The following AXIN1 variants were observed in gnomAD, a reference collection of about 807,000 sequenced individuals.
The protein encoded by AXIN1 is axin-1.
In AXIN1, 30 loss-of-function variants were observed where a neutral mutation model predicts 76.4. That is an observed-to-expected ratio of 0.39 (90% CI 0.29 to 0.53). AXIN1 has a LOEUF of 0.53. Ranked by LOEUF, AXIN1 falls within the 20% of genes least tolerant of loss-of-function variation. The pLI is 0.66. For missense variants in AXIN1, 1,140 were observed against 1,198.8 expected, an observed-to-expected ratio of 0.95 and a Z score of 0.72; for synonymous variants, 545 against 501.4, an observed-to-expected ratio of 1.09 and a Z score of -1.16.
intron 7 of AXIN1, among the ~76,000 whole-genome samples, chr16:296,682 C>A (rs538868358): frequency 4.8e-4 from 73 of 152,320 alleles, no homozygotes; most frequent in African/African-American, 1.7e-3. Flanking sequence ...AAGGCTCCTC[C>A]GTGGGCACCT....
chr16:337,600 T>C (rs1455512306), intron 2 of AXIN1, among the ~76,000 whole-genome samples: 1 of 151,284 alleles, frequency 6.6e-6, no homozygotes, highest in Middle Eastern at 3.2e-3. Context: ...CAGCTCACAG[T>C]GAGGACAGCG....
intron 2 of AXIN1, among the ~76,000 whole-genome samples, chr16:332,315 C>T (rs180768433): frequency 6.6e-6 from 1 of 151,860 alleles, no homozygotes; most frequent in Non-Finnish European, 1.5e-5. Context: ...CGGTGGCTCA[C>T]GCCTGTAATC....
At chr16:296,009 T>C (rs892581125) in intron 7 of AXIN1, among the ~76,000 whole-genome samples, 2 of 152,212 alleles carry the variant, frequency 1.3e-5, no homozygotes, top group African/African-American at 2.4e-5. Context: ...CTCATGCCTG[T>C]AGTCCCAGCA....
At chr16:299,637 G>A (rs1200565067) in intron 5 of AXIN1, among the ~76,000 whole-genome samples, 1 of 150,594 alleles carries the variant, frequency 6.6e-6, no homozygotes. Flanking sequence ...TTACAGGAGT[G>A]AGCCACCACA....
intron 7 of AXIN1, among the ~76,000 whole-genome samples, chr16:294,935 G>A (rs1300826381): frequency 1.3e-4 from 20 of 150,372 alleles, no homozygotes; most frequent in Admixed American, 2.0e-4. Context: ...GTGGTGGCGG[G>A]CGCCTGCAGT....
chr16:319,966 A>G (rs2053402407), intron 2 of AXIN1, among the ~76,000 whole-genome samples: 1 of 151,388 alleles, frequency 6.6e-6, no homozygotes, highest in South Asian at 2.1e-4. Context: ...TTTGCTTTCC[A>G]TTTCCTCCCT....
Position 346,235 on chromosome 16 carries a change from G to C in AXIN1, c.791C>G (p.Pro264Arg), listed in dbSNP as rs1417993403. ...GAGCAGCTTCTGAGGGAGTCTTCCGGGGGGAGCAGCGTCTCTGCCATCGTC... is the reference window on the plus strand; with the variant it reads ...GAGCAGCTTCTGAGGGAGTCTTCCGCGGGGAGCAGCGTCTCTGCCATCGTC... ...DEDDGRDAAP[P>R]GRLPQKLLLE... The change falls in exon 2 of 11, where the codon CCC (proline) becomes CGC (arginine). Residue 264 changes from proline to arginine, a missense_variant. By Grantham distance (103) the Pro-to-Arg change is moderately radical (BLOSUM62 -2). Transcript: ENST00000262320. 1 of 1,614,136 alleles carries C rather than the reference G, an allele frequency of 6.2e-7. No homozygotes were observed. The highest frequency in any genetic ancestry group is 8.5e-7 in the Non-Finnish European group (1 of 1,180,044).
intron 5 of AXIN1, among the ~76,000 whole-genome samples, chr16:301,084 CAT>C (rs968475673): frequency 6.6e-6 from 1 of 151,878 alleles, no homozygotes; most frequent in African/African-American, 2.4e-5. Flanking sequence ...TCCTGGCTAA[CAT>C]GGTGAAACCC....
chr16:341,118 C>T (rs2053909463), intron 2 of AXIN1, among the ~76,000 whole-genome samples: 1 of 152,284 alleles, frequency 6.6e-6, no homozygotes, highest in Non-Finnish European at 1.5e-5. Context: ...TCCTCACAGC[C>T]CTCGCTCGCT....
intron 8 of AXIN1, chr16:291,519 G>A (rs927017996): frequency 6.7e-6 from 4 of 600,646 alleles, no homozygotes; most frequent in Admixed American, 2.5e-5. Context: ...TCATGATCCC[G>A]GCACCAACCC....
Position 287,880 on chromosome 16 carries a change from C to G in AXIN1, c.*242G>C, listed in dbSNP as rs1408957971. 2.1e-5 allele frequency: 13 copies of G among 620,778 alleles called. No homozygotes were observed. Among genetic ancestry groups the G allele is most frequent in the Non-Finnish European group, 3.6e-5 (13 of 356,632 alleles). The allele number at this position is 620,778 out of a possible 1,614,324, so 38.5% of individuals were successfully genotyped here. A position where few individuals can be genotyped will look rare whatever the true frequency, so the allele number is the denominator to read the frequency against. On this transcript the variant is annotated 3_prime_UTR_variant, in exon 11 of 11. Coordinates refer to ENST00000262320, the MANE Select transcript of AXIN1 (RefSeq NM_003502.4). ...AGGGACCTCGGCTGCCTCACTTGGG[C>G]TGGGCCCTCCAAGTATTGCTATGAG...
At chr16:333,622 G>A (rs1466656493) in intron 2 of AXIN1, among the ~76,000 whole-genome samples, 1 of 152,052 alleles carries the variant, frequency 6.6e-6, no homozygotes, top group Non-Finnish European at 1.5e-5. Flanking sequence ...ACCGTATGAA[G>A]AGAATGGAGC....
intron 4 of AXIN1, among the ~76,000 whole-genome samples, chr16:309,478 C>G (rs1256175931): frequency 6.6e-6 from 1 of 152,198 alleles, no homozygotes; most frequent in African/African-American, 2.4e-5. Context: ...CAGCCAAGCC[C>G]CCATGCCCGA....
At chr16:329,759 G>A (rs2053656626) in intron 2 of AXIN1, among the ~76,000 whole-genome samples, 3 of 152,062 alleles carry the variant, frequency 2.0e-5, no homozygotes, top group Non-Finnish European at 4.4e-5. Context: ...GAGTAGCTGG[G>A]ACTACAGGTG....
chr16:320,669 A>G (rs11644503), intron 2 of AXIN1, among the ~76,000 whole-genome samples: 1 of 150,360 alleles, frequency 6.7e-6, no homozygotes, highest in Non-Finnish European at 1.5e-5. Flanking sequence ...GTATATATGT[A>G]AATGTATATA....
chr16:310,299 C>T (rs965375893), intron 3 of AXIN1, among the ~76,000 whole-genome samples: 10 of 152,220 alleles, frequency 6.6e-5, no homozygotes, highest in Non-Finnish European at 1.0e-4. Context: ...TGCCCAGCCA[C>T]GCGTCTTCCT....
Position 291,547 on chromosome 16 carries a change from G to A in AXIN1, c.2187-250C>T, listed in dbSNP as rs533184450. The A allele has an allele frequency of 2.2e-3, 1,219 of 562,298 alleles. 4 individuals are homozygous for A. Among genetic ancestry groups the A allele is most frequent in the Admixed American group, 3.1e-3 (109 of 34,912 alleles). The allele number at this position is 562,298 out of a possible 1,614,324, so 34.8% of individuals were successfully genotyped here. ...ACCAACCCCCTGAGTTCCCTGGACC[G>A]CACTTTGGGGAGCTTCCGATCAGGG... On this transcript the variant is annotated intron_variant, in intron 8 of 10. Transcript: ENST00000262320.
intron 2 of AXIN1, among the ~76,000 whole-genome samples, chr16:324,033 C>G (rs940269933): frequency 1.3e-5 from 2 of 152,178 alleles, no homozygotes; most frequent in African/African-American, 4.8e-5. Context: ...CATGGGAAGC[C>G]CCGTAGCCCA....
At chr16:316,745 C>T (rs2053311781) in intron 2 of AXIN1, among the ~76,000 whole-genome samples, 2 of 152,228 alleles carry the variant, frequency 1.3e-5, no homozygotes, top group Non-Finnish European at 2.9e-5. Flanking sequence ...TGCACCCTTA[C>T]AATCATTCCA....
Sources: gnomAD v4.1 joint callset for allele counts (sites outside exome capture counted in the v4.1 genomes callset) on GRCh38, gnomAD v4.1.1 for gene constraint, MANE v1.5 for transcripts, NCBI Gene and HGNC (gene_info 2026-07-23, HGNC 2026-07-21) for gene names.